CENPU: variants seen among roughly 807,000 people sequenced by gnomAD.
CENPU encodes the protein KSHV latent nuclear antigen interacting protein 1.
Under a neutral mutation model 56.7 loss-of-function variants are expected in CENPU, and 46 were observed. The ratio of observed to expected loss-of-function variants is 0.81; its 90% CI spans 0.64 to 1.04. The LOEUF (loss-of-function observed/expected upper bound fraction) is 1.04. Ranked by LOEUF, CENPU falls within the 50% of genes least tolerant of loss-of-function variation. The pLI is 0.00. For synonymous variants in CENPU, 166 were observed against 163.0 expected (o/e 1.02, Z -0.14); for missense variants, 510 against 490.1 (o/e 1.04, Z -0.38).
chr4:184,697,012 C>A (rs1760362497), intron 12 of CENPU, among the ~76,000 whole-genome samples: 1 of 151,610 alleles, frequency 6.6e-6, no homozygotes. Context: ...TCCTGAGTAG[C>A]TGGGACTACA....
At chr4:184,728,557 G>A (rs889921100) in intron 3 of CENPU, among the ~76,000 whole-genome samples, 12 of 152,088 alleles carry the variant, frequency 7.9e-5, no homozygotes, top group Non-Finnish European at 1.3e-4. Context: ...CATGAGTTTA[G>A]GACAAAGGAA....
intron 4 of CENPU, among the ~76,000 whole-genome samples, chr4:184,720,389 G>A: frequency 6.6e-6 from 1 of 152,048 alleles, no homozygotes. Context: ...ACAGGGTCTA[G>A]AAAAAAGCTT....
Position 184,696,363 on chromosome 4 carries a change from T to C in CENPU, c.1144-962A>G, listed in dbSNP as rs188211150. 2.2e-3 allele frequency among the ~76,000 whole-genome samples: 328 copies of C among 152,284 alleles called. 3 individuals are homozygous for C. Among genetic ancestry groups the C allele is most frequent in the African/African-American group, 7.6e-3 (316 of 41,556 alleles). On this transcript the variant is annotated intron_variant, in intron 12 of 12. Transcript: ENST00000281453. ...AATACAAGAGGAGTGCAAGAAGGCA[T>C]TGAGCTCACTCTAAGAACAGGACGC...
chr4:184,704,260 G>GAAAACAGGTCTC (rs1336352470), intron 8 of CENPU, among the ~76,000 whole-genome samples: 2 of 151,886 alleles, frequency 1.3e-5, no homozygotes, highest in Non-Finnish European at 2.9e-5. Flanking sequence ...CTTTTTTGTA[G>GAAAACAGGTCTC]AAAACAGGTC....
chr4:184,733,941 C>T, intron 1 of CENPU, 75 bp downstream of exon 1: 2 of 1,594,522 alleles, frequency 1.3e-6, no homozygotes, highest in Non-Finnish European at 1.7e-6. Flanking sequence ...CGCCGGGAGG[C>T]GCAAACCACG....
At chr4:184,704,955 G>T (rs1760673803) in intron 8 of CENPU, among the ~76,000 whole-genome samples, 1 of 152,142 alleles carries the variant, frequency 6.6e-6, no homozygotes, top group African/African-American at 2.4e-5. Context: ...ACCAAATGCT[G>T]GCAAGGATGT....
At chr4:184,729,229 C>T (rs1761555373) in intron 2 of CENPU, among the ~76,000 whole-genome samples, 194 bp from the exon 3 acceptor site, 1 of 152,134 alleles carries the variant, frequency 6.6e-6, no homozygotes, top group African/African-American at 2.4e-5. Context: ...AATCAGACCC[C>T]ACAAATGTGT....
At chr4:184,715,594 T>C (rs905641830) in intron 6 of CENPU, among the ~76,000 whole-genome samples, 5 of 152,226 alleles carry the variant, frequency 3.3e-5, no homozygotes, top group Non-Finnish European at 4.4e-5. Flanking sequence ...ATTACAGGCA[T>C]GAGCCACCGT....
chr4:184,705,936 G>A (rs1295542358), intron 8 of CENPU, among the ~76,000 whole-genome samples: 3 of 152,182 alleles, frequency 2.0e-5, no homozygotes, highest in Non-Finnish European at 4.4e-5. Context: ...GTAGAAGGGT[G>A]GTTGCCAAGC....
chr4:184,733,537 C>T (rs1002331236), intron 1 of CENPU: 31 of 418,254 alleles, frequency 7.4e-5, no homozygotes, highest in Non-Finnish European at 9.8e-5. Flanking sequence ...CCTGGAGAAC[C>T]GCAAGCGGCA....
At chr4:184,724,868 A>G (rs1761401203) in intron 4 of CENPU, 89 bp downstream of exon 4, 1 of 841,870 alleles carries the variant, frequency 1.2e-6, no homozygotes, top group South Asian at 1.9e-5. Context: ...GGATCTTGAA[A>G]TGCTTTTGTT....
At chr4:184,695,483 A>C in intron 12 of CENPU, 82 bp from the exon 13 acceptor site, 1 of 876,542 alleles carries the variant, frequency 1.1e-6, no homozygotes, top group Non-Finnish European at 1.9e-6. Context: ...TGACTAATGC[A>C]AATTTTGATT....
intron 6 of CENPU, among the ~76,000 whole-genome samples, chr4:184,715,775 T>C (rs1053201460): frequency 6.6e-6 from 1 of 152,246 alleles, no homozygotes; most frequent in Non-Finnish European, 1.5e-5. Context: ...TGGAATGTTA[T>C]GCATTGTTGA....
chr4:184,697,976 GA>G (rs1347812424), intron 11 of CENPU, 173 bp from the exon 12 acceptor site: 4 of 547,422 alleles, frequency 7.3e-6, no homozygotes, highest in Non-Finnish European at 1.3e-5. Flanking sequence ...TAAAATGTAG[GA>G]AAAAAAATCT....
chr4:184,729,135 A>ATTGCTTCCTTAGGC, intron 2 of CENPU, 100 bp from the exon 3 acceptor site: 1 of 913,552 alleles, frequency 1.1e-6, no homozygotes, highest in Non-Finnish European at 1.8e-6. Context: ...CTGCCTAAGG[A>ATTGCTTCCTTAGGC]AGCAATCCTT....
At chr4:184,727,297 T>C (rs897057372) in intron 3 of CENPU, among the ~76,000 whole-genome samples, 1 of 152,144 alleles carries the variant, frequency 6.6e-6, no homozygotes, top group African/African-American at 2.4e-5. Flanking sequence ...AATGGGAAGT[T>C]GTTTAATAGG....
At chr4:184,713,598 A>C (rs949479508) in intron 6 of CENPU, among the ~76,000 whole-genome samples, 1 of 152,228 alleles carries the variant, frequency 6.6e-6, no homozygotes. Flanking sequence ...ATGTGGAATC[A>C]GCTCAAATTT....
At chr4:184,718,038 C>T (rs36022027) in intron 4 of CENPU, among the ~76,000 whole-genome samples, 27,132 of 152,138 alleles carry the variant, frequency 0.18, 2,722 homozygotes, top group African/African-American at 0.26. Context: ...CTATGACTGA[C>T]GGGCTGCAGG....
chr4:184,703,266 C>T (rs953195074), intron 8 of CENPU, among the ~76,000 whole-genome samples: 5 of 152,194 alleles, frequency 3.3e-5, no homozygotes, highest in African/African-American at 4.8e-5. Flanking sequence ...AGACTTTATT[C>T]CCTCCCTCTT....
Sources: gnomAD v4.1 joint callset for allele counts (sites outside exome capture counted in the v4.1 genomes callset) on GRCh38, gnomAD v4.1.1 for gene constraint, MANE v1.5 for transcripts, NCBI Gene and HGNC (gene_info 2026-07-23, HGNC 2026-07-21) for gene names.